Variants in ABHD18 observed in about 807,000 individuals in gnomAD.
ABHD18 encodes cardiolipin-specific deacylase, mitochondrial.
ABHD18 carries 55 observed loss-of-function variants against 65.9 expected under a neutral mutation model. The observed-to-expected ratio is 0.84, with a 90% confidence interval of 0.67 to 1.05. ABHD18 has a LOEUF of 1.05. Among genes scored for constraint, ABHD18 ranks in the 50% least tolerant of loss-of-function variants. ABHD18 has a pLI of 0.00. For synonymous variants in ABHD18, 181 were observed against 180.2 expected (o/e 1.00, Z -0.04); for missense variants, 533 against 558.5 (o/e 0.95, Z 0.46).
chr4:128,021,964 A>G (rs2149170051), intron 10 of ABHD18, among the ~76,000 whole-genome samples: 2 of 152,282 alleles, frequency 1.3e-5, no homozygotes, highest in Middle Eastern at 6.8e-3. Context: ...AGTACCTTTA[A>G]TAAGTTGCCT....
Position 128,030,613 on chromosome 4 carries a change from A to G in ABHD18, c.1284A>G (p.Glu428=). ...TACAAGAAATTTGGCCTGGTTGTGA[A>G]ATCCGATACTTAGAAGGGGGTCATA... ...RSLQEIWPGC[E]IRYLEGGHIS... The change falls in exon 12 of 13, where the codon GAA becomes GAG. Residue 428 remains glutamate (E), a synonymous_variant. Transcript: ENST00000645843. The G allele has an allele frequency of 6.2e-7, 1 of 1,607,370 alleles. No homozygotes were observed. Among genetic ancestry groups the G allele is most frequent in the Non-Finnish European group, 8.5e-7 (1 of 1,178,860 alleles).
At chr4:127,974,824 G>A (rs1747575540) in intron 1 of ABHD18, among the ~76,000 whole-genome samples, 1 of 151,594 alleles carries the variant, frequency 6.6e-6, no homozygotes, top group Non-Finnish European at 1.5e-5. Flanking sequence ...GTGAAACCCC[G>A]TCTCTACTAA....
chr4:128,011,537 T>C (rs1754579239), intron 6 of ABHD18, 136 bp from the exon 7 acceptor site: 1 of 484,392 alleles, frequency 2.1e-6, no homozygotes. Context: ...TAAGAACTTC[T>C]AAACAGCCTA....
intron 2 of ABHD18, 148 bp downstream of exon 2, chr4:127,983,195 TTTGTC>T (rs1331222448): frequency 1.7e-6 from 1 of 579,280 alleles, no homozygotes; most frequent in African/African-American, 1.9e-5. Flanking sequence ...CCTTTTTACT[TTTGTC>T]TTTTTAGTTA....
chr4:127,983,683 G>A (rs1439562409), intron 2 of ABHD18, among the ~76,000 whole-genome samples: 2 of 152,100 alleles, frequency 1.3e-5, no homozygotes, highest in Non-Finnish European at 2.9e-5. Flanking sequence ...GGCTAACATA[G>A]TGAAATCCCT....
chr4:128,030,746 A>G (rs548830595), intron 12 of ABHD18, 74 bp downstream of exon 12: 55 of 1,519,276 alleles, frequency 3.6e-5, no homozygotes, highest in Non-Finnish European at 4.8e-5. Context: ...CAACAAATGT[A>G]AAAGATCACA....
At chr4:128,015,982 T>A (rs945876621) in intron 7 of ABHD18, among the ~76,000 whole-genome samples, 5 of 138,824 alleles carry the variant, frequency 3.6e-5, no homozygotes, top group African/African-American at 1.4e-4. Context: ...AGATGGAGCC[T>A]CACTCTGTCA....
chr4:127,981,904 T>C (rs1017711276), intron 1 of ABHD18, among the ~76,000 whole-genome samples: 5 of 152,162 alleles, frequency 3.3e-5, no homozygotes, highest in African/African-American at 1.2e-4. Flanking sequence ...ATGTTTCTTC[T>C]TGGTACTGAG....
intron 8 of ABHD18, among the ~76,000 whole-genome samples, chr4:128,019,065 G>A (rs1244843598): frequency 1.4e-5 from 2 of 146,332 alleles, no homozygotes; most frequent in Non-Finnish European, 3.0e-5. Flanking sequence ...TGAAACAAAA[G>A]ATGGAAAAGG....
At chr4:127,979,951 CAAAG>C (rs1445886074) in intron 1 of ABHD18, among the ~76,000 whole-genome samples, 1 of 148,838 alleles carries the variant, frequency 6.7e-6, no homozygotes, top group African/African-American at 2.5e-5. Context: ...TGGGAGGACA[CAAAG>C]AAGTGATGAA....
chr4:128,014,230 G>A (rs1483192398), intron 7 of ABHD18, among the ~76,000 whole-genome samples: 3 of 152,044 alleles, frequency 2.0e-5, no homozygotes, highest in African/African-American at 7.2e-5. Flanking sequence ...TGATCCTCCC[G>A]CCTCAGCCCC....
intron 4 of ABHD18, among the ~76,000 whole-genome samples, chr4:128,004,852 G>A (rs999721923): frequency 6.6e-6 from 1 of 152,034 alleles, no homozygotes; most frequent in Non-Finnish European, 1.5e-5. Flanking sequence ...GGAGGTTGCA[G>A]TGAGCTGAGA....
At chr4:127,975,799 T>C (rs983136493) in intron 1 of ABHD18, among the ~76,000 whole-genome samples, 4 of 152,090 alleles carry the variant, frequency 2.6e-5, no homozygotes. Flanking sequence ...GTTGGGATAA[T>C]TTACTTATTT....
intron 10 of ABHD18, among the ~76,000 whole-genome samples, chr4:128,026,534 G>A (rs947338820): frequency 2.6e-5 from 4 of 151,928 alleles, no homozygotes; most frequent in Non-Finnish European, 5.9e-5. Flanking sequence ...TCATTTGGGG[G>A]TTCTGGGCTT....
At chr4:127,987,269 T>C (rs141087665) in intron 3 of ABHD18, among the ~76,000 whole-genome samples, 119 of 152,220 alleles carry the variant, frequency 7.8e-4, no homozygotes, top group African/African-American at 2.8e-3. Flanking sequence ...GGAGAATTGC[T>C]TGAGCCTGGG....
intron 4 of ABHD18, among the ~76,000 whole-genome samples, chr4:128,007,449 A>G (rs1753788341): frequency 6.6e-6 from 1 of 151,970 alleles, no homozygotes; most frequent in African/African-American, 2.4e-5. Context: ...CTACAATAAG[A>G]AAAAAACAAA....
chr4:128,005,828 C>G (rs963678987), intron 4 of ABHD18, among the ~76,000 whole-genome samples: 2 of 152,176 alleles, frequency 1.3e-5, no homozygotes, highest in African/African-American at 4.8e-5. Flanking sequence ...CTTCCCTTAT[C>G]TCATCTTCTT....
At chr4:128,010,109 G>A (rs1305725091) in intron 6 of ABHD18, among the ~76,000 whole-genome samples, 1 of 152,100 alleles carries the variant, frequency 6.6e-6, no homozygotes, top group Non-Finnish European at 1.5e-5. Flanking sequence ...AATCTCTTAG[G>A]TTATTGAGAT....
intron 2 of ABHD18, among the ~76,000 whole-genome samples, chr4:127,984,045 A>C (rs200635780): frequency 7.2e-6 from 1 of 138,862 alleles, no homozygotes; most frequent in Non-Finnish European, 1.5e-5. Context: ...TCAAGGGGGA[A>C]AAAAAAAAAA....
Sources: allele counts gnomAD v4.1 joint callset (sites outside exome capture counted in the v4.1 genomes callset), GRCh38; gene constraint gnomAD v4.1.1; transcripts MANE v1.5; gene names NCBI Gene and HGNC (gene_info 2026-07-23, HGNC 2026-07-21).